The following SFXN2 variants were observed in gnomAD, a reference collection of about 807,000 sequenced individuals.
SFXN2 encodes sideroflexin-2.
SFXN2 carries 37 observed loss-of-function variants against 41.9 expected under a neutral mutation model. The observed-to-expected ratio is 0.88, with a 90% CI of 0.68 to 1.16. SFXN2 has a LOEUF of 1.16. Ranked by LOEUF, SFXN2 falls within the 50% of genes most tolerant of loss-of-function variation. SFXN2 has a pLI of 0.00. For synonymous variants in SFXN2, 150 were observed against 156.7 expected, an observed-to-expected ratio of 0.96 and a Z score of 0.32; for missense variants, 386 against 425.2, an observed-to-expected ratio of 0.91 and a Z score of 0.81.
intron 1 of SFXN2, among the ~76,000 whole-genome samples, chr10:102,724,521 G>T (rs1456129558): frequency 6.6e-6 from 1 of 152,114 alleles, no homozygotes; most frequent in African/African-American, 2.4e-5. Flanking sequence ...GGCTAACATG[G>T]TGAAACCCCA....
Position 102,734,451 on chromosome 10 carries a change from GA to G in SFXN2, c.821+851del, listed in dbSNP as rs1343317471. On this transcript the variant is annotated intron_variant, in intron 10 of 11. Transcript: ENST00000369893. The surrounding 1 kb of genome is among the most constrained non-coding windows in gnomAD (Gnocchi z 4.1). Reference sequence around the variant, plus strand: ...ATTTCACTTAATTCTCCCAGCCTTAGAAATCTACATATTATTATCATCTCCT... The same window carrying G: ...ATTTCACTTAATTCTCCCAGCCTTAGAATCTACATATTATTATCATCTCCT... Among the ~76,000 whole-genome samples the G allele has an allele frequency of 1.3e-5, 2 of 152,176 alleles. No individual in the cohort carries two copies. The highest frequency in any genetic ancestry group is 2.9e-5 in the Non-Finnish European group (2 of 68,034).
intron 10 of SFXN2, among the ~76,000 whole-genome samples, chr10:102,735,543 G>A (rs965273856): frequency 1.3e-5 from 2 of 151,536 alleles, no homozygotes; most frequent in African/African-American, 2.4e-5. Context: ...CGCTCCTTTC[G>A]CTCGATGCCA....
At position 102,726,670 on chromosome 10, in the gene SFXN2, G is replaced by T; in HGVS notation, c.34G>T (p.Ala12Ser). The T allele has an allele frequency of 2.5e-6, 4 of 1,614,182 alleles. No individual in the cohort carries two copies. Among genetic ancestry groups the T allele is most frequent in the Non-Finnish European group, 3.4e-6 (4 of 1,180,030 alleles). Residue 12 changes from alanine (A) to serine (S), a missense_variant, in exon 2 of 12, where the codon GCC (alanine) becomes TCC (serine). Coordinates refer to ENST00000369893, the MANE Select transcript of SFXN2 (RefSeq NM_178858.6). ...EADLSGFNID[A>S]PRWDQRTFLG... is the part of the protein sequence containing the mutation. The stretch of plus-strand genomic sequence containing the variant: ...TGACCTGTCTGGCTTTAACATCGAT[G>T]CCCCCCGTTGGGACCAGCGCACCTT...
chr10:102,737,549 A>G, intron 11 of SFXN2, 114 bp from the exon 12 acceptor site: 1 of 701,756 alleles, frequency 1.4e-6, no homozygotes, highest in South Asian at 1.6e-5. Flanking sequence ...TACAGAGGCC[A>G]ATAATAATCC....
intron 11 of SFXN2, among the ~76,000 whole-genome samples, chr10:102,736,706 C>T (rs574621517): frequency 3.9e-4 from 59 of 151,540 alleles, no homozygotes; most frequent in African/African-American, 1.3e-3. Context: ...TGAGCCACCG[C>T]GCCTGGCCTC....
intron 1 of SFXN2, among the ~76,000 whole-genome samples, chr10:102,722,458 A>G (rs1048582441): frequency 5.3e-5 from 8 of 152,136 alleles, no homozygotes; most frequent in African/African-American, 1.9e-4. Flanking sequence ...TGTTGCTACT[A>G]TTGTTTTAAA....
rs1590146182 is a variant in SFXN2, at chr10:102,727,135, G to A, written c.310G>A (p.Gly104Ser). The change falls in exon 3 of 12, where the codon GGC becomes AGC. Residue 104 changes from glycine (G) to serine (S), a missense_variant. By Grantham distance (56) the Gly-to-Ser change is moderately conservative. Transcript: ENST00000369893. ...GCTTCCTGGCGGCATGATCATCACG[G>A]GCTTCATGCTCCAGTTCTACAGGTG... ...FQLPGGMIIT[G>S]FMLQFYRTMP... 6.2e-7 allele frequency: 1 copy of A among 1,603,370 alleles called. No homozygotes were observed.
chr10:102,733,543 T>C lies in SFXN2; in HGVS notation c.772-11T>C. ...ACCATGTGGATCTGTCTTTTATTTG[T>C]TTTTATACAGAAAGTCAAGGTCCTG... On this transcript the variant is annotated splice_polypyrimidine_tract_variant and intron_variant, in intron 9 of 11. Transcript: ENST00000369893. 6.2e-7 allele frequency: 1 copy of C among 1,611,676 alleles called. No homozygotes were observed. The highest frequency in any genetic ancestry group is 8.5e-7 in the Non-Finnish European group (1 of 1,177,800).
At chr10:102,720,523 GT>G (rs1195015448) in intron 1 of SFXN2, among the ~76,000 whole-genome samples, 1 of 151,410 alleles carries the variant, frequency 6.6e-6, no homozygotes, top group Non-Finnish European at 1.5e-5. Context: ...TCAGAGGATC[GT>G]TTGAGCCTGG....
intron 1 of SFXN2, among the ~76,000 whole-genome samples, chr10:102,717,423 C>T (rs144384926): frequency 1.3e-5 from 2 of 152,252 alleles, no homozygotes; most frequent in East Asian, 3.9e-4. Flanking sequence ...CCACTGCGCC[C>T]GGCCTCAAGC....
At position 102,729,412 on chromosome 10, in the gene SFXN2, TGCA is replaced by T. The variant is rs1308118081; in HGVS notation, c.507+22_507+24del. 8 of 1,613,216 alleles carry T rather than the reference TGCA, an allele frequency of 5.0e-6. No individual in the cohort carries two copies. The African/African-American group carries it at 1.1e-4, about 22-fold the overall frequency. On this transcript the variant is annotated intron_variant, in intron 5 of 11. Coordinates refer to ENST00000369893, the MANE Select transcript of SFXN2 (RefSeq NM_178858.6). ...TGACAAAGGTATGGTCTGGGGCCGC[TGCA>T]GCATGGTGGCCACGCGGGGGCAGCA...
At chr10:102,736,568 C>A (rs573558791) in intron 11 of SFXN2, among the ~76,000 whole-genome samples, 1 of 152,196 alleles carries the variant, frequency 6.6e-6, no homozygotes, top group African/African-American at 2.4e-5. Context: ...AGGCACGTGC[C>A]ACCACGCACA....
chr10:102,732,784 C>A, intron 8 of SFXN2, 75 bp from the exon 9 acceptor site: 4 of 1,497,106 alleles, frequency 2.7e-6, no homozygotes, highest in South Asian at 1.1e-5. Flanking sequence ...CCACTTGGTT[C>A]CTGGTCTGAC....
chr10:102,738,612 G>A lies in SFXN2; in HGVS notation c.*850G>A, dbSNP rs2064812485. ...ACACCCAGCCCGGACAGCTTCTTTGGGAGTGCTGCTAACCTTGAAATTATC... is the reference window on the plus strand; with the variant it reads ...ACACCCAGCCCGGACAGCTTCTTTGAGAGTGCTGCTAACCTTGAAATTATC... On this transcript the variant is annotated 3_prime_UTR_variant, in exon 12 of 12. Coordinates refer to ENST00000369893, the MANE Select transcript of SFXN2 (RefSeq NM_178858.6). 6.6e-6 allele frequency: 1 copy of A among 152,076 alleles called. No homozygotes were observed. Among genetic ancestry groups the A allele is most frequent in the Non-Finnish European group, 1.5e-5 (1 of 68,032 alleles). The allele number at this position is 152,076 out of a possible 1,614,324, so 9.4% of individuals were successfully genotyped here. A position where few individuals can be genotyped will look rare whatever the true frequency, so the allele number is the denominator to read the frequency against.
At chr10:102,722,088 C>T (rs1026895557) in intron 1 of SFXN2, among the ~76,000 whole-genome samples, 3 of 152,114 alleles carry the variant, frequency 2.0e-5, no homozygotes, top group East Asian at 3.8e-4. Context: ...TCATGACTAC[C>T]CAGTTTGTTC....
In SFXN2 at chr10:102,725,620, C is replaced by T. The variant is rs372825968; in HGVS notation, c.-25-992C>T. On this transcript the variant is annotated intron_variant, in intron 1 of 11. Transcript: ENST00000369893. ...TCTAAATAATAAAACAGGCCAGATG[C>T]GGCAGCTCACACCTGTAATCCCAGC... Among the ~76,000 whole-genome samples, 76 of 152,124 alleles carry T rather than the reference C, an allele frequency of 5.0e-4. 1 individual carries two copies. The South Asian group carries it at 0.015, about 31-fold the overall frequency.
At chr10:102,720,428 GGA>G (rs1364492662) in intron 1 of SFXN2, among the ~76,000 whole-genome samples, 66 of 151,856 alleles carry the variant, frequency 4.3e-4, no homozygotes, top group African/African-American at 1.6e-3. Flanking sequence ...AGCAACATAG[GGA>G]GACCCTGTCT....
chr10:102,736,016 A>C lies in SFXN2; in HGVS notation c.869+107A>C, dbSNP rs993054500. The C allele has an allele frequency of 7.2e-6, 8 of 1,115,750 alleles. No homozygotes were observed. In the Admixed American group the frequency reaches 1.4e-4, roughly 19 times the overall value. The allele number at this position is 1,115,750 out of a possible 1,614,324, so 69.1% of individuals were successfully genotyped here. On this transcript the variant is annotated intron_variant, in intron 11 of 11. Coordinates refer to ENST00000369893, the MANE Select transcript of SFXN2 (RefSeq NM_178858.6). ...ACAGGGAAGGGGCAGGAAGGGCAGC[A>C]CCTGTCTGAGGACAAGTGTCCATCA...
At chr10:102,730,397 A>G (rs1460004994) in intron 6 of SFXN2, among the ~76,000 whole-genome samples, 1 of 152,242 alleles carries the variant, frequency 6.6e-6, no homozygotes, top group Non-Finnish European at 1.5e-5. Context: ...AACATAAGAG[A>G]TGCTACATAA....
Sources: allele counts gnomAD v4.1 joint callset (sites outside exome capture counted in the v4.1 genomes callset), GRCh38; gene constraint gnomAD v4.1.1; non-coding constraint Gnocchi (gnomAD v3.1); transcripts MANE v1.5; gene names NCBI Gene and HGNC (gene_info 2026-07-23, HGNC 2026-07-21).